The following NALF1 variants were observed in gnomAD, a reference collection of about 807,000 sequenced individuals.
NALF1 encodes NALCN channel auxiliary factor 1, also known as family with sequence similarity 155 member A.
In NALF1, 3 loss-of-function variants were observed where a neutral mutation model predicts 48.4. The ratio of observed to expected loss-of-function variants is 0.06; its 90% confidence interval spans 0.03 to 0.16. NALF1 has a LOEUF of 0.16. Ranked by LOEUF, NALF1 falls within the 10% of genes least tolerant of loss-of-function variation. NALF1 has a pLI of 1.00. For synonymous variants in NALF1, 262 were observed against 245.7 expected, an observed-to-expected ratio of 1.07 and a Z score of -0.62; for missense variants, 526 against 571.5, an observed-to-expected ratio of 0.92 and a Z score of 0.81.
chr13:107,713,688 T>A (rs1875668368), intron 1 of NALF1, among the ~76,000 whole-genome samples: 2 of 152,192 alleles, frequency 1.3e-5, no homozygotes, highest in African/African-American at 2.4e-5. Flanking sequence ...CCATGTAGTA[T>A]GAAGGCAAAA....
intron 1 of NALF1, among the ~76,000 whole-genome samples, chr13:107,304,921 G>A (rs886880178): frequency 1.3e-5 from 2 of 152,138 alleles, no homozygotes; most frequent in Admixed American, 6.5e-5. Flanking sequence ...AAATGCAAAA[G>A]TCTTAGGAGG....
At chr13:107,627,033 A>C (rs1203390530) in intron 1 of NALF1, among the ~76,000 whole-genome samples, 2 of 152,082 alleles carry the variant, frequency 1.3e-5, no homozygotes, top group Non-Finnish European at 2.9e-5. Context: ...ACAAGGAGCA[A>C]TTCTCCAAGT....
At chr13:107,625,924 T>C (rs895119515) in intron 1 of NALF1, among the ~76,000 whole-genome samples, 26 of 152,068 alleles carry the variant, frequency 1.7e-4, no homozygotes, top group African/African-American at 5.8e-4. Context: ...AGGGGTTCCA[T>C]ATTCAAAGCA....
At chr13:107,718,208 C>G (rs1235297722) in intron 1 of NALF1, among the ~76,000 whole-genome samples, 2 of 152,186 alleles carry the variant, frequency 1.3e-5, no homozygotes, top group East Asian at 3.9e-4. Flanking sequence ...CCTTGATGTT[C>G]TTTCTCTCTG....
At chr13:107,549,345 T>A (rs771009882) in intron 1 of NALF1, among the ~76,000 whole-genome samples, 1 of 152,198 alleles carries the variant, frequency 6.6e-6, no homozygotes, top group Non-Finnish European at 1.5e-5. Context: ...CATATTTGTA[T>A]ATTGAATAAA....
chr13:107,863,681 A>G (rs1017844258), intron 1 of NALF1, among the ~76,000 whole-genome samples: 1 of 152,212 alleles, frequency 6.6e-6, no homozygotes, highest in Non-Finnish European at 1.5e-5. Context: ...ACACAAAAAC[A>G]TAATCCAGAA....
At chr13:107,505,480 G>A (rs1875666522) in intron 1 of NALF1, among the ~76,000 whole-genome samples, 1 of 152,204 alleles carries the variant, frequency 6.6e-6, no homozygotes, top group Admixed American at 6.5e-5. Flanking sequence ...CCTGGTGAGA[G>A]CTGCTAGAGG....
intron 1 of NALF1, among the ~76,000 whole-genome samples, chr13:107,367,229 A>C (rs982218370): frequency 6.6e-6 from 1 of 152,184 alleles, no homozygotes; most frequent in Non-Finnish European, 1.5e-5. Context: ...CATAAAACAC[A>C]ATTCAAGCAT....
chr13:107,452,524 T>G (rs1040234795), intron 1 of NALF1, among the ~76,000 whole-genome samples: 2 of 152,152 alleles, frequency 1.3e-5, no homozygotes, highest in Admixed American at 6.5e-5. Context: ...GGTAACCATC[T>G]TCATGATTAA....
chr13:107,810,018 A>G (rs1878938566), intron 1 of NALF1, among the ~76,000 whole-genome samples: 1 of 151,868 alleles, frequency 6.6e-6, no homozygotes, highest in Non-Finnish European at 1.5e-5. Context: ...TGATTTATGC[A>G]TATCCTAGGA....
intron 1 of NALF1, among the ~76,000 whole-genome samples, chr13:107,812,540 T>C (rs1385449916): frequency 6.6e-6 from 1 of 151,682 alleles, no homozygotes; most frequent in Non-Finnish European, 1.5e-5. Flanking sequence ...GTTTGTATCA[T>C]AATATTAATA....
chr13:107,213,822 T>G (rs558477221), intron 1 of NALF1, among the ~76,000 whole-genome samples: 6 of 152,238 alleles, frequency 3.9e-5, no homozygotes, highest in Non-Finnish European at 7.3e-5. Flanking sequence ...AACTGTGTTA[T>G]GTGAAGAACG....
At chr13:107,440,713 C>T (rs1045818033) in intron 1 of NALF1, among the ~76,000 whole-genome samples, 4 of 152,066 alleles carry the variant, frequency 2.6e-5, no homozygotes, top group Admixed American at 2.6e-4. Context: ...CAGAATCTTG[C>T]CTGAAATTGG....
chr13:107,812,605 T>C (rs1016099880), intron 1 of NALF1, among the ~76,000 whole-genome samples: 4 of 152,230 alleles, frequency 2.6e-5, no homozygotes, highest in African/African-American at 9.6e-5. Context: ...TACAGAACTT[T>C]ATACAATTAA....
intron 1 of NALF1, among the ~76,000 whole-genome samples, chr13:107,325,845 C>CAT (rs1229746465): frequency 3.3e-3 from 146 of 43,938 alleles, no homozygotes; most frequent in African/African-American, 9.3e-3. Flanking sequence ...TGTCTCAACA[C>CAT]ACACACACAC....
At chr13:107,289,976 C>T (rs747849376) in intron 1 of NALF1, among the ~76,000 whole-genome samples, 13 of 152,118 alleles carry the variant, frequency 8.5e-5, no homozygotes, top group Non-Finnish European at 1.6e-4. Context: ...AAGGAACTTT[C>T]AGGAGAACAA....
chr13:107,712,729 T>C (rs1279653280), intron 1 of NALF1, among the ~76,000 whole-genome samples: 1 of 152,216 alleles, frequency 6.6e-6, no homozygotes, highest in Non-Finnish European at 1.5e-5. Flanking sequence ...CAGTGAAATG[T>C]CACGCAGTGT....
intron 1 of NALF1, among the ~76,000 whole-genome samples, chr13:107,355,719 G>A (rs1278484831): frequency 2.0e-5 from 3 of 151,964 alleles, no homozygotes; most frequent in Non-Finnish European, 4.4e-5. Flanking sequence ...AGTTTCCTGA[G>A]GCCTCCCCAG....
intron 1 of NALF1, among the ~76,000 whole-genome samples, chr13:107,366,451 T>C (rs1025706775): frequency 2.6e-5 from 4 of 152,194 alleles, no homozygotes; most frequent in Non-Finnish European, 5.9e-5. Context: ...AAAAAAGGCC[T>C]GCCTATGTGG....
Sources: gnomAD v4.1 joint callset for allele counts (sites outside exome capture counted in the v4.1 genomes callset) on GRCh38, gnomAD v4.1.1 for gene constraint, MANE v1.5 for transcripts, NCBI Gene and HGNC (gene_info 2026-07-23, HGNC 2026-07-21) for gene names.